CCDC171: variants seen among roughly 807,000 people sequenced by gnomAD.
CCDC171 encodes coiled-coil domain-containing protein 171.
In CCDC171, 177 loss-of-function variants were observed where a neutral mutation model predicts 168.2. The observed-to-expected ratio is 1.05, with a 90% confidence interval of 0.93 to 1.19. CCDC171 has a LOEUF of 1.19. Ranked by LOEUF, CCDC171 falls within the 50% of genes most tolerant of loss-of-function variation. CCDC171 has a pLI of 0.00. For synonymous variants in CCDC171, 687 were observed against 540.8 expected (o/e 1.27, Z -3.75); for missense variants, 1,991 against 1,539.0 (o/e 1.29, Z -4.91).
At chr9:15,778,033 C>T (rs1041318456) in intron 19 of CCDC171, among the ~76,000 whole-genome samples, 2 of 140,400 alleles carry the variant, frequency 1.4e-5, no homozygotes, top group Non-Finnish European at 3.1e-5. Flanking sequence ...CGCGGTGGCT[C>T]ACGCCTGTAA....
At chr9:15,621,682 G>T (rs2044518217) in intron 6 of CCDC171, among the ~76,000 whole-genome samples, 1 of 152,298 alleles carries the variant, frequency 6.6e-6, no homozygotes, top group Non-Finnish European at 1.5e-5. Context: ...TTATTGGCAG[G>T]AATGTAAGTT....
At chr9:15,794,894 G>T (rs1298297201) in intron 21 of CCDC171, among the ~76,000 whole-genome samples, 1 of 152,178 alleles carries the variant, frequency 6.6e-6, no homozygotes, top group Non-Finnish European at 1.5e-5. Flanking sequence ...TTTTAGATCT[G>T]TAGTCTTAAT....
At chr9:15,824,165 A>G (rs1050268161) in intron 21 of CCDC171, among the ~76,000 whole-genome samples, 1 of 152,052 alleles carries the variant, frequency 6.6e-6, no homozygotes, top group Non-Finnish European at 1.5e-5. Context: ...CACTTCTGAA[A>G]TCATGTATCT....
At chr9:15,754,844 C>T (rs1331901097) in intron 18 of CCDC171, among the ~76,000 whole-genome samples, 2 of 151,900 alleles carry the variant, frequency 1.3e-5, no homozygotes, top group African/African-American at 4.8e-5. Context: ...TTGCTTAGTT[C>T]ATATATTGGT....
At chr9:15,614,807 A>G (rs748874381) in intron 6 of CCDC171, among the ~76,000 whole-genome samples, 11 of 152,204 alleles carry the variant, frequency 7.2e-5, no homozygotes, top group East Asian at 1.9e-4. Context: ...CTTTTCAGCC[A>G]TGATCTTTAC....
chr9:16,029,009 T>C (rs1367222778), intron 6 of CCDC171, among the ~76,000 whole-genome samples: 3 of 152,248 alleles, frequency 2.0e-5, no homozygotes, highest in South Asian at 2.1e-4. Flanking sequence ...GCCTTGAGCA[T>C]AGAGCCCCCT....
intron 23 of CCDC171, among the ~76,000 whole-genome samples, chr9:15,857,773 T>C (rs1288221055): frequency 1.3e-5 from 2 of 151,892 alleles, no homozygotes; most frequent in Non-Finnish European, 2.9e-5. Context: ...CACTCTTTGT[T>C]GAAGGAAACT....
the CCDC171 span, among the ~76,000 whole-genome samples, chr9:16,107,771 G>T: frequency 0.022 from 3,325 of 151,954 alleles, 111 homozygotes; most frequent in African/African-American, 0.074. Context: ...TTTTCATCTC[G>T]TTCCACATGG....
chr9:15,917,160 T>A (rs1336453004), intron 24 of CCDC171, among the ~76,000 whole-genome samples: 2 of 151,962 alleles, frequency 1.3e-5, no homozygotes, highest in Admixed American at 1.3e-4. Context: ...ACTGTATAGT[T>A]TGAATCACTT....
intron 1 of CCDC171, among the ~76,000 whole-genome samples, chr9:15,559,603 C>T (rs552296512): frequency 3.7e-4 from 57 of 152,218 alleles, no homozygotes; most frequent in Admixed American, 7.2e-4. Flanking sequence ...TACTCCGTCC[C>T]TTTATTTTAA....
chr9:15,602,247 C>G (rs2042910635), intron 6 of CCDC171, among the ~76,000 whole-genome samples: 1 of 147,148 alleles, frequency 6.8e-6, no homozygotes, highest in African/African-American at 2.4e-5. Flanking sequence ...TTTTTAAAAA[C>G]AACCTGAGGG....
rs576667304 is a variant in CCDC171 at position 16,025,981 on chromosome 9, C to T, written n.998+3073C>T. On this transcript the variant is annotated intron_variant and non_coding_transcript_variant, in intron 6 of 9. Coordinates refer to the CCDC171 transcript ENST00000486641. Reference sequence around the variant, plus strand: ...TTAAACAATTTTTTAAAAAACAAGACAGTCCCAGGCAAAGTGGGATGAGTT... The same window carrying T: ...TTAAACAATTTTTTAAAAAACAAGATAGTCCCAGGCAAAGTGGGATGAGTT... Among the ~76,000 whole-genome samples the T allele has an allele frequency of 9.9e-5, 15 of 152,268 alleles. No homozygotes were observed. In the East Asian group the frequency reaches 2.3e-3, roughly 23 times the overall value.
intron 7 of CCDC171, among the ~76,000 whole-genome samples, chr9:15,626,250 G>T (rs565343225): frequency 6.6e-6 from 1 of 152,106 alleles, no homozygotes; most frequent in South Asian, 2.1e-4. Flanking sequence ...ATACAATCAC[G>T]TCATCTGAAA....
chr9:15,960,037 A>G (rs926932332), intron 25 of CCDC171, among the ~76,000 whole-genome samples: 1 of 152,274 alleles, frequency 6.6e-6, no homozygotes, highest in East Asian at 1.9e-4. Context: ...GCAGCTCTTG[A>G]TGGGGAATCC....
Position 15,571,823 on chromosome 9 carries a change from T to G in CCDC171, c.177+64T>G. ...AGTTTGATTTTTTAGATTTATTTCA[T>G]ATGAAAAACTCCATGTTTAACCTTT... On this transcript the variant is annotated intron_variant, in intron 3 of 25. Coordinates refer to ENST00000380701, the MANE Select transcript of CCDC171 (RefSeq NM_173550.4). 3.6e-6 allele frequency: 5 copies of G among 1,407,334 alleles called. No homozygotes were observed. In the South Asian group the frequency reaches 6.6e-5, roughly 19 times the overall value. 87.2% of individuals were successfully genotyped at this position (1,407,334 alleles called of 1,614,324 possible).
intron 3 of CCDC171, among the ~76,000 whole-genome samples, chr9:16,011,072 G>A (rs62546637): frequency 0.026 from 3,886 of 152,236 alleles, 92 homozygotes; most frequent in Non-Finnish European, 0.035. Flanking sequence ...AGGTTGTATG[G>A]ATCTTACTAG....
chr9:15,832,798 G>C (rs1452477053), intron 21 of CCDC171, among the ~76,000 whole-genome samples: 1 of 152,030 alleles, frequency 6.6e-6, no homozygotes, highest in African/African-American at 2.4e-5. Flanking sequence ...GTGTAAAGCT[G>C]TACAAAAATA....
rs569243271 is a variant in CCDC171, at chr9:15,821,704, A to T, written c.3268-24998A>T. Among the ~76,000 whole-genome samples the T allele has an allele frequency of 8.5e-5, 10 of 117,508 alleles. 2 individuals are homozygous for T. In the East Asian group the frequency reaches 2.1e-3, roughly 25 times the overall value. 77.1% of individuals were successfully genotyped at this position (117,508 alleles called of 152,430 possible). ...AAAGAGGATTCAAACAAATGGAAGAACATTCCATGCTCCTGGGTGGGAAGA... is the reference window on the plus strand; with the variant it reads ...AAAGAGGATTCAAACAAATGGAAGATCATTCCATGCTCCTGGGTGGGAAGA... On this transcript the variant is annotated intron_variant, in intron 21 of 25. Transcript: ENST00000380701.
chr9:16,095,350 G>C, the CCDC171 span, among the ~76,000 whole-genome samples: 61 of 152,290 alleles, frequency 4.0e-4, 1 homozygote, highest in East Asian at 9.5e-3. Flanking sequence ...CTGCTCTGGG[G>C]AAGAATGCTC....
Sources: allele counts gnomAD v4.1 joint callset (sites outside exome capture counted in the v4.1 genomes callset), GRCh38; gene constraint gnomAD v4.1.1; transcripts MANE v1.5; gene names NCBI Gene and HGNC (gene_info 2026-07-23, HGNC 2026-07-21).